The following PDE3B variants were observed in gnomAD, a reference collection of about 807,000 sequenced individuals.
PDE3B encodes the protein cGMP-inhibited 3',5'-cyclic phosphodiesterase 3B.
Under a neutral mutation model 116.8 loss-of-function variants are expected in PDE3B, and 66 were observed. The observed-to-expected ratio is 0.56, with a 90% confidence interval of 0.46 to 0.69. The LOEUF (loss-of-function observed/expected upper bound fraction) is 0.69. Among genes scored for constraint, PDE3B ranks in the 30% least tolerant of loss-of-function variants. PDE3B has a pLI of 0.00. For missense variants in PDE3B, 1,384 were observed against 1,368.1 expected, an observed-to-expected ratio of 1.01 and a Z score of -0.18; for synonymous variants, 595 against 533.6, an observed-to-expected ratio of 1.12 and a Z score of -1.59.
At position 14,797,290 on chromosome 11, in the gene PDE3B, GGT is replaced by G. The variant is rs570884846; in HGVS notation, c.1416-6652_1416-6651del. Among the ~76,000 whole-genome samples, 29 of 152,292 alleles carry G rather than the reference GGT, an allele frequency of 1.9e-4. No homozygotes were observed. The South Asian group carries it at 5.8e-3, about 30-fold the overall frequency. ...TGATTGCTGTTCTGCAGCCTCTCCT[GGT>G]GATACCCAGGCAGGCAAACAGGGTG... is the stretch of plus-strand genomic sequence containing the variant. On this transcript the variant is annotated intron_variant, in intron 4 of 15. Coordinates refer to ENST00000282096, the MANE Select transcript of PDE3B (RefSeq NM_000922.4).
At chr11:14,852,038 G>T (rs941333331) in intron 12 of PDE3B, among the ~76,000 whole-genome samples, 1 of 152,124 alleles carries the variant, frequency 6.6e-6, no homozygotes, top group African/African-American at 2.4e-5. Context: ...TACTGTTCTA[G>T]TCCACTCTGC....
chr11:14,648,799 C>G (rs1216302267), intron 1 of PDE3B, among the ~76,000 whole-genome samples: 1 of 152,070 alleles, frequency 6.6e-6, no homozygotes. Context: ...ATGGGACACT[C>G]CCTCTCCACA....
intron 12 of PDE3B, among the ~76,000 whole-genome samples, chr11:14,851,445 G>A (rs1847750644): frequency 6.6e-6 from 1 of 151,774 alleles, no homozygotes; most frequent in African/African-American, 2.4e-5. Context: ...GAGCATGTGT[G>A]TTGGGGTCGG....
At position 14,731,341 on chromosome 11, in the gene PDE3B, T is replaced by G. The variant is rs10832295; in HGVS notation, c.979-40596T>G. Among the ~76,000 whole-genome samples the G allele has an allele frequency of 1.5e-3, 220 of 149,892 alleles. 2 individuals are homozygous for G. The highest frequency in any genetic ancestry group is 5.2e-3 in the African/African-American group (210 of 40,652). On this transcript the variant is annotated intron_variant, in intron 1 of 15. Coordinates refer to ENST00000282096, the MANE Select transcript of PDE3B (RefSeq NM_000922.4). ...TGGCACTATCTCGGCTCACTGCAAGTTCCGCGTCCCGAGTTCACGCCATTC... is the reference window on the plus strand; with the variant it reads ...TGGCACTATCTCGGCTCACTGCAAGGTCCGCGTCCCGAGTTCACGCCATTC...
intron 1 of PDE3B, among the ~76,000 whole-genome samples, chr11:14,734,258 A>G (rs374177542): frequency 8.6e-5 from 13 of 152,026 alleles, no homozygotes; most frequent in Non-Finnish European, 1.6e-4. Flanking sequence ...TTTTTGTACA[A>G]TTGGGGGTCC....
intron 1 of PDE3B, among the ~76,000 whole-genome samples, chr11:14,711,223 T>C (rs1305349510): frequency 6.6e-6 from 1 of 152,162 alleles, no homozygotes; most frequent in Admixed American, 6.5e-5. Flanking sequence ...ATATAATGGA[T>C]AAAAGGGATA....
At chr11:14,697,571 G>A (rs1023401334) in intron 1 of PDE3B, among the ~76,000 whole-genome samples, 2 of 152,002 alleles carry the variant, frequency 1.3e-5, no homozygotes, top group Non-Finnish European at 2.9e-5. Flanking sequence ...TAGGACCTTT[G>A]CATTTGTATG....
chr11:14,885,405 A>G, the PDE3B span, among the ~76,000 whole-genome samples: 2 of 152,212 alleles, frequency 1.3e-5, no homozygotes, highest in African/African-American at 2.4e-5. Flanking sequence ...CTGTAAGCTT[A>G]TAAGTAAAAT....
intron 12 of PDE3B, among the ~76,000 whole-genome samples, chr11:14,858,661 C>G (rs782018389): frequency 1.3e-5 from 2 of 152,152 alleles, no homozygotes; most frequent in Non-Finnish European, 2.9e-5. Context: ...ATTCTGAAAC[C>G]TGCTCTAGAT....
At chr11:14,889,168 T>TG in the PDE3B span, among the ~76,000 whole-genome samples, 2 of 149,430 alleles carry the variant, frequency 1.3e-5, no homozygotes, top group Non-Finnish European at 2.9e-5. Context: ...CCAGTTGTTT[T>TG]TTTTTTTTTT....
intron 1 of PDE3B, among the ~76,000 whole-genome samples, chr11:14,768,738 G>A (rs1857561143): frequency 6.6e-6 from 1 of 151,372 alleles, no homozygotes; most frequent in Non-Finnish European, 1.5e-5. Context: ...CTGATCTGTT[G>A]TGGATTGATG....
At chr11:14,708,789 G>T (rs569510305) in intron 1 of PDE3B, among the ~76,000 whole-genome samples, 89 of 151,906 alleles carry the variant, frequency 5.9e-4, no homozygotes, top group African/African-American at 1.0e-3. Flanking sequence ...TATATATAGA[G>T]AGAGAGAATG....
intron 1 of PDE3B, among the ~76,000 whole-genome samples, chr11:14,708,966 G>T (rs1426616227): frequency 6.6e-6 from 1 of 151,982 alleles, no homozygotes; most frequent in East Asian, 1.9e-4. Flanking sequence ...GTTATTTTTT[G>T]TTTAAAAATA....
Position 14,644,375 on chromosome 11 carries a change from C to T in PDE3B, c.300C>T (p.Ser100=), listed in dbSNP as rs751631361. ...TGCTGCTGGGCGCGGAACCCGAGAG[C>T]TGGGCTGCCGGGGCCGCCTGGCTGC... ...LALLLGAEPE[S]WAAGAAWLRT... is the part of the protein sequence containing the mutation. The change falls in exon 1 of 16, where the codon AGC becomes AGT. Residue 100 remains serine, a synonymous_variant. Coordinates refer to ENST00000282096, the MANE Select transcript of PDE3B (RefSeq NM_000922.4). The T allele has an allele frequency of 8.8e-6, 14 of 1,599,672 alleles. No individual in the cohort carries two copies. The highest frequency in any genetic ancestry group is 1.2e-5 in the Non-Finnish European group (14 of 1,174,642).
intron 1 of PDE3B, among the ~76,000 whole-genome samples, chr11:14,667,857 A>C (rs1191833815): frequency 6.6e-6 from 1 of 151,670 alleles, no homozygotes; most frequent in Non-Finnish European, 1.5e-5. Flanking sequence ...TAATAATAAT[A>C]ATAAAAGAAT....
At chr11:14,844,147 C>T in intron 12 of PDE3B, 121 bp downstream of exon 12, 1 of 683,208 alleles carries the variant, frequency 1.5e-6, no homozygotes, top group Non-Finnish European at 2.5e-6. Context: ...TAATACCCTA[C>T]ATTTTAATTA....
At chr11:14,883,851 C>T in the PDE3B span, among the ~76,000 whole-genome samples, 2 of 151,936 alleles carry the variant, frequency 1.3e-5, no homozygotes, top group South Asian at 4.1e-4. Context: ...AAAAACAACC[C>T]CATCAACAAG....
chr11:14,733,981 G>A (rs972317862), intron 1 of PDE3B, among the ~76,000 whole-genome samples: 1 of 152,188 alleles, frequency 6.6e-6, no homozygotes, highest in Non-Finnish European at 1.5e-5. Context: ...AGGGTATGTC[G>A]AAGTACCATC....
intron 1 of PDE3B, among the ~76,000 whole-genome samples, chr11:14,748,353 A>C (rs1856968947): frequency 6.6e-6 from 1 of 152,194 alleles, no homozygotes; most frequent in Admixed American, 6.5e-5. Flanking sequence ...AGCATTCATA[A>C]ATTAAATCAC....
Sources: gnomAD v4.1 joint callset for allele counts (sites outside exome capture counted in the v4.1 genomes callset) on GRCh38, gnomAD v4.1.1 for gene constraint, MANE v1.5 for transcripts, NCBI Gene and HGNC (gene_info 2026-07-23, HGNC 2026-07-21) for gene names.